Variants in POLDIP2 observed in about 807,000 individuals in gnomAD.
POLDIP2 encodes DNA polymerase delta interacting protein 2, also known as polymerase delta-interacting protein 2.
A neutral mutation model predicts 52.9 loss-of-function variants in POLDIP2; 32 were observed. The observed-to-expected ratio is 0.61, with a 90% confidence interval of 0.46 to 0.81. The LOEUF (loss-of-function observed/expected upper bound fraction) is 0.81, where lower values mean the gene tolerates loss of function less well. POLDIP2 is among the 40% of genes least tolerant of loss of function. The probability of loss-of-function intolerance (pLI) is 0.00; values close to 1 mark genes in which losing one functional copy is unlikely to be tolerated. For synonymous variants in POLDIP2, 183 were observed against 183.0 expected (o/e 1.00, Z 0.00); for missense variants, 371 against 477.3 (o/e 0.78, Z 2.07).
chr17:28,348,137 G>A lies in POLDIP2; in HGVS notation c.1087C>T (p.Pro363Ser). The A allele has an allele frequency of 6.2e-7, 1 of 1,611,638 alleles. No homozygotes were observed. The highest frequency in any genetic ancestry group is 8.5e-7 in the Non-Finnish European group (1 of 1,177,708). Residue 363 changes from proline (P) to serine (S), a missense_variant, in exon 11 of 11, where the codon CCC (proline) becomes TCC (serine). Physicochemically the swap from Pro to Ser is moderately conservative, Grantham distance 74. Transcript: ENST00000540200. Reference protein sequence around the residue: ...LESNKDEKTPPSGLHW With the variant: ...LESNKDEKTPSSGLHW ...CTGGCCTACCAGTGAAGGCCTGAGG[G>A]TGGTGTCTTCTCATCTTTATTGCTT... is the stretch of plus-strand genomic sequence containing the variant.
chr17:28,354,398 G>A (rs1355409943), intron 3 of POLDIP2, 90 bp downstream of exon 3: 7 of 885,426 alleles, frequency 7.9e-6, no homozygotes, highest in African/African-American at 1.7e-5. Context: ...AGGCCTAGGA[G>A]GACGCTGTCT....
Position 28,347,800 on chromosome 17 carries a change from C to G in POLDIP2, c.*317G>C. The G allele has an allele frequency of 3.9e-6, 1 of 254,904 alleles. No individual in the cohort carries two copies. The allele number at this position is 254,904 out of a possible 1,614,324, so 15.8% of individuals were successfully genotyped here. On this transcript the variant is annotated 3_prime_UTR_variant, in exon 11 of 11. Coordinates refer to ENST00000540200, the MANE Select transcript of POLDIP2 (RefSeq NM_015584.5). ...GAAATGGCAAGGGTGGCCAAGCGTG[C>G]ACTGGTTTACTGATCAAACCTCACG...
At chr17:28,350,588 T>A in intron 8 of POLDIP2, 25 bp from the exon 9 acceptor site, 2 of 1,595,768 alleles carry the variant, frequency 1.3e-6, no homozygotes, top group Non-Finnish European at 1.7e-6. Flanking sequence ...GGAGAGAGAG[T>A]TTAAAAAAAA....
chr17:28,351,754 C>G lies in POLDIP2; in HGVS notation c.669G>C (p.Lys223Asn), dbSNP rs782668412. 1 of 1,613,770 alleles carries G rather than the reference C, an allele frequency of 6.2e-7. No homozygotes were observed. Among genetic ancestry groups the G allele is most frequent in the Non-Finnish European group, 8.5e-7 (1 of 1,179,678 alleles). ...ARETLRAWQE[K>N]NHPWLELSDV... ...CGGAGAGCTCCAGCCAGGGGTGATT[C>G]TTCTCTTGCCAGGCCCTTAGCGTCT... Residue 223 changes from lysine to asparagine, a missense_variant, in exon 7 of 11, where the codon AAG becomes AAC. Coordinates refer to ENST00000540200, the MANE Select transcript of POLDIP2 (RefSeq NM_015584.5).
intron 2 of POLDIP2, 106 bp downstream of exon 2, chr17:28,355,689 G>A (rs577207037): frequency 3.9e-5 from 21 of 536,700 alleles, no homozygotes; most frequent in East Asian, 2.6e-4. Context: ...AAACATCAAG[G>A]TGGAATGAAT....
intron 6 of POLDIP2, among the ~76,000 whole-genome samples, chr17:28,352,255 T>TTTTTTTTTTTTGG: frequency 1.4e-5 from 2 of 147,286 alleles, no homozygotes; most frequent in Non-Finnish European, 3.0e-5. Context: ...TTTTTTTTTT[T>TTTTTTTTTTTTGG]GGAGACGGAG....
rs1478057130 is a variant in POLDIP2 at position 28,347,838 on chromosome 17, A to G, written c.*279T>C. 1 of 395,418 alleles carries G rather than the reference A, an allele frequency of 2.5e-6. No individual in the cohort carries two copies. The allele number at this position is 395,418 out of a possible 1,614,324, so 24.5% of individuals were successfully genotyped here. Reference sequence around the variant, plus strand: ...ATCAAACCTCACGTGACAGGCCAGGAAACTCCTCCAGGCCTGTGGCAGCTG... The same window carrying G: ...ATCAAACCTCACGTGACAGGCCAGGGAACTCCTCCAGGCCTGTGGCAGCTG... On this transcript the variant is annotated 3_prime_UTR_variant, in exon 11 of 11. Transcript: ENST00000540200.
rs782311219 is a variant in POLDIP2 at position 28,352,237 on chromosome 17, C to CTTTTTTTTTTTTTTTT, written c.623-453_623-438dup. Among the ~76,000 whole-genome samples the CTTTTTTTTTTTTTTTT allele has an allele frequency of 3.8e-4, 33 of 87,652 alleles. 7 individuals are homozygous for CTTTTTTTTTTTTTTTT. Among genetic ancestry groups the CTTTTTTTTTTTTTTTT allele is most frequent in the South Asian group, 8.7e-4 (2 of 2,298 alleles). 57.5% of individuals were successfully genotyped at this position (87,652 alleles called of 152,430 possible). A position where few individuals can be genotyped will look rare whatever the true frequency, so the allele number is the denominator to read the frequency against. On this transcript the variant is annotated intron_variant, in intron 6 of 10. Transcript: ENST00000540200. ...TGGAAATAGAGCGTTGGAATTATTT[C>CTTTTTTTTTTTTTTTT]TTTTTTTTTTTTTTTTTTGGAGACG...
At chr17:28,353,216 C>A (rs1555580345) in intron 5 of POLDIP2, 25 bp downstream of exon 5, 4 of 1,209,180 alleles carry the variant, frequency 3.3e-6, no homozygotes, top group Non-Finnish European at 1.2e-6. Context: ...TCTTGACGGG[C>A]ACCATTCAAA....
intron 9 of POLDIP2, 24 bp from the exon 10 acceptor site, chr17:28,349,186 G>A: frequency 6.3e-7 from 1 of 1,576,366 alleles, no homozygotes; most frequent in Non-Finnish European, 8.7e-7. Context: ...GGCAAAATGG[G>A]TCAGGCCAAG....
intron 2 of POLDIP2, 36 bp downstream of exon 2, chr17:28,355,759 C>CT: frequency 6.6e-7 from 1 of 1,519,092 alleles, no homozygotes; most frequent in Non-Finnish European, 9.1e-7. Context: ...GCAGAGCACT[C>CT]TATGAAAATG....
chr17:28,357,432 G>A lies in POLDIP2; in HGVS notation c.17C>T (p.Ala6Val), dbSNP rs782383622. ...GCTGCCCACGGCCAGGGCCCGCCGG[G>A]CTGTACAGGCTGCCATGTCCCGCCC... MAACTARRALAVGSRW... is the reference protein window; with the variant it reads MAACTVRRALAVGSRW... Residue 6 changes from alanine (A) to valine (V), a missense_variant, in exon 1 of 11, where the codon GCC becomes GTC. Coordinates refer to ENST00000540200, the MANE Select transcript of POLDIP2 (RefSeq NM_015584.5). The A allele has an allele frequency of 1.4e-6, 2 of 1,475,810 alleles. No individual in the cohort carries two copies. Among genetic ancestry groups the A allele is most frequent in the Non-Finnish European group, 1.8e-6 (2 of 1,125,146 alleles). 91.4% of individuals were successfully genotyped at this position (1,475,810 alleles called of 1,614,324 possible).
At chr17:28,355,434 C>T (rs1399185015) in intron 2 of POLDIP2, among the ~76,000 whole-genome samples, 1 of 152,228 alleles carries the variant, frequency 6.6e-6, no homozygotes, top group Admixed American at 6.5e-5. Context: ...ATGGAGAAAC[C>T]GCATCTCCAC....
At chr17:28,348,802 T>G (rs2142392659) in intron 10 of POLDIP2, among the ~76,000 whole-genome samples, 1 of 151,662 alleles carries the variant, frequency 6.6e-6, no homozygotes, top group African/African-American at 2.4e-5. Flanking sequence ...GGTAAAGGAG[T>G]GAAACACCAA....
Position 28,357,383 on chromosome 17 carries a change from A to C in POLDIP2, c.66T>G (p.Thr22=). 1 of 1,538,606 alleles carries C rather than the reference A, an allele frequency of 6.5e-7. No homozygotes were observed. Among genetic ancestry groups the C allele is most frequent in the Admixed American group, 1.9e-5 (1 of 53,308 alleles). ...VGSRWWSRSL[T]GARWPRPLCA... ...AGAGCGGCCTTGGCCACCGGGCCCC[A>C]GTCAGCGACCGGGACCACCAGCGGC... Residue 22 remains threonine, a synonymous_variant, in exon 1 of 11, where the codon ACT becomes ACG. Transcript: ENST00000540200.
At chr17:28,355,723 G>A in intron 2 of POLDIP2, 72 bp downstream of exon 2, 1 of 1,071,750 alleles carries the variant, frequency 9.3e-7, no homozygotes, top group Non-Finnish European at 1.4e-6. Context: ...ATGCAGGCCT[G>A]TGACCTAATC....
In POLDIP2 at chr17:28,349,071, ACACT is replaced by A. The variant is rs1555579433; in HGVS notation, c.992+8_992+11del. 3.7e-6 allele frequency: 6 copies of A among 1,601,198 alleles called. No individual in the cohort carries two copies. In the African/African-American group the frequency reaches 5.4e-5, roughly 14 times the overall value. On this transcript the variant is annotated splice_region_variant and intron_variant, in intron 10 of 10. Transcript: ENST00000540200. ...AGCTGGGTGGCCCCTACTGCTGTGC[ACACT>A]CACTCACCACATGTGCCCACTGGAA...
intron 1 of POLDIP2, among the ~76,000 whole-genome samples, chr17:28,356,615 A>G (rs1020968346): frequency 2.0e-5 from 3 of 152,180 alleles, no homozygotes; most frequent in Admixed American, 1.3e-4. Context: ...CCCAATGTTC[A>G]GTGTCTAATA....
At chr17:28,355,719 G>A (rs1907996562) in intron 2 of POLDIP2, 76 bp downstream of exon 2, 2 of 974,576 alleles carry the variant, frequency 2.1e-6, no homozygotes, top group Non-Finnish European at 3.2e-6. Flanking sequence ...TACCATGCAG[G>A]CCTGTGACCT....
Sources: allele counts gnomAD v4.1 joint callset (sites outside exome capture counted in the v4.1 genomes callset), GRCh38; gene constraint gnomAD v4.1.1; transcripts MANE v1.5; gene names NCBI Gene and HGNC (gene_info 2026-07-23, HGNC 2026-07-21).